PLCG2: variants seen among roughly 807,000 people sequenced by gnomAD.
The protein encoded by PLCG2 is phospholipase C gamma 2, also known as 1-phosphatidylinositol 4,5-bisphosphate phosphodiesterase gamma-2.
In PLCG2, 69 loss-of-function variants were observed where a neutral mutation model predicts 175.6. That is an observed-to-expected ratio of 0.39 (90% CI 0.32 to 0.48). The LOEUF (loss-of-function observed/expected upper bound fraction) is 0.48, where lower values mean the gene tolerates loss of function less well. PLCG2 is among the 20% of genes least tolerant of loss of function. The pLI is 0.91. For missense variants in PLCG2, 1,798 were observed against 1,650.9 expected (o/e 1.09, Z -1.54); for synonymous variants, 827 against 624.0 (o/e 1.33, Z -4.85).
intron 2 of PLCG2, among the ~76,000 whole-genome samples, chr16:81,809,949 T>C (rs191032169): frequency 6.6e-6 from 1 of 152,178 alleles, no homozygotes; most frequent in East Asian, 1.9e-4. Flanking sequence ...CCATGCTCTC[T>C]TCATCTTTCT....
At chr16:81,776,944 T>C, upstream of PLCG2, among the ~76,000 whole-genome samples, 1 of 152,138 alleles carries the variant, frequency 6.6e-6, no homozygotes, top group East Asian at 1.9e-4. Context: ...ATTCCTTCAG[T>C]CGTTCACCTG....
intron 32 of PLCG2, 104 bp from the exon 33 acceptor site, chr16:81,957,852 C>A (rs1911637606): frequency 2.0e-6 from 2 of 1,001,760 alleles, no homozygotes; most frequent in Non-Finnish European, 3.1e-6. Flanking sequence ...TACCATCCAG[C>A]TATGAATGAC....
intron 2 of PLCG2, among the ~76,000 whole-genome samples, chr16:81,808,306 TC>T (rs1904291304): frequency 6.6e-6 from 1 of 151,992 alleles, no homozygotes. Context: ...GGCAAACCCC[TC>T]CCCTTAAGTT....
At chr16:81,904,233 C>T (rs149609083) in intron 14 of PLCG2, among the ~76,000 whole-genome samples, 6 of 152,292 alleles carry the variant, frequency 3.9e-5, no homozygotes, top group African/African-American at 1.2e-4. Context: ...CTTTGACTTA[C>T]GGGATCCCAC....
chr16:81,879,237 T>C (rs1020347531), intron 7 of PLCG2, among the ~76,000 whole-genome samples: 3 of 152,206 alleles, frequency 2.0e-5, no homozygotes, highest in Non-Finnish European at 2.9e-5. Flanking sequence ...TTGGAAGTGT[T>C]CTAGCCCCTG....
At chr16:81,897,897 G>A (rs147898338) in intron 13 of PLCG2, 1 of 454,874 alleles carries the variant, frequency 2.2e-6, no homozygotes, top group East Asian at 7.0e-5. Context: ...GCTGGGTGGA[G>A]GTGTTGCTGT....
Position 81,854,350 on chromosome 16 carries a change from G to A in PLCG2, c.194-94G>A, listed in dbSNP as rs541609366. On this transcript the variant is annotated intron_variant, in intron 2 of 32. Coordinates refer to ENST00000564138, the MANE Select transcript of PLCG2 (RefSeq NM_002661.5). The stretch of plus-strand genomic sequence containing the variant: ...TTGCGGGATCCTGTTGGGGAAGGAA[G>A]GAGCCAGGCTGTGCCTGGGCTGCAG... 3.6e-5 allele frequency: 40 copies of A among 1,122,550 alleles called. No homozygotes were observed. In the African/African-American group the frequency reaches 5.9e-4, roughly 16 times the overall value. 69.5% of individuals were successfully genotyped at this position (1,122,550 alleles called of 1,614,324 possible). A position where few individuals can be genotyped will look rare whatever the true frequency, so the allele number is the denominator to read the frequency against.
intron 17 of PLCG2, among the ~76,000 whole-genome samples, chr16:81,909,153 C>T (rs1248556838): frequency 1.3e-5 from 2 of 152,244 alleles, no homozygotes; most frequent in African/African-American, 4.8e-5. Context: ...CAGACAATGT[C>T]TTTGTCCTCC....
In PLCG2 at chr16:81,800,009, A is replaced by G. The variant is rs562584794; in HGVS notation, c.193+13827A>G. On this transcript the variant is annotated intron_variant, in intron 2 of 32. Transcript: ENST00000564138. ...CCTGGGTTCAGATCTTGGCTATGCC[A>G]CTTATCCCATTTGTGGCCATGGACA... is the stretch of plus-strand genomic sequence containing the variant. Among the ~76,000 whole-genome samples the G allele has an allele frequency of 5.3e-5, 8 of 152,366 alleles. No homozygotes were observed. In the East Asian group the frequency reaches 1.5e-3, roughly 29 times the overall value.
intron 2 of PLCG2, among the ~76,000 whole-genome samples, chr16:81,851,413 C>T (rs891097716): frequency 6.6e-6 from 1 of 152,194 alleles, no homozygotes; most frequent in South Asian, 2.1e-4. Flanking sequence ...TGTAGTTCTA[C>T]GAAATCTTGT....
chr16:81,843,597 T>C (rs2143434806), intron 2 of PLCG2, among the ~76,000 whole-genome samples: 1 of 152,348 alleles, frequency 6.6e-6, no homozygotes, highest in Middle Eastern at 3.4e-3. Flanking sequence ...AAATGCCCAA[T>C]TTTTGGGTGC....
In PLCG2 at chr16:81,958,382, C is replaced by G. The variant is rs1489943200; in HGVS notation, c.*384C>G. 3.8e-5 allele frequency: 10 copies of G among 261,614 alleles called. No homozygotes were observed. Among genetic ancestry groups the G allele is most frequent in the African/African-American group, 2.0e-4 (9 of 46,152 alleles). The allele number at this position is 261,614 out of a possible 1,614,324, so 16.2% of individuals were successfully genotyped here. ...ATTCTACCTCTAATGATCCAGGTAA[C>G]TGATGTCCATGGAGGATGAGCTGGA... On this transcript the variant is annotated 3_prime_UTR_variant, in exon 33 of 33. Transcript: ENST00000564138.
intron 2 of PLCG2, among the ~76,000 whole-genome samples, chr16:81,758,958 G>A (rs1246401283): frequency 3.3e-5 from 5 of 152,312 alleles, no homozygotes; most frequent in Middle Eastern, 3.4e-3. Context: ...GATTACAGGC[G>A]TGAGCCACCG....
chr16:81,773,902 G>A (rs557016134), intron 2 of PLCG2, among the ~76,000 whole-genome samples: 1 of 152,180 alleles, frequency 6.6e-6, no homozygotes, highest in East Asian at 1.9e-4. Flanking sequence ...TACACTCTGT[G>A]CCCATCATGC....
In PLCG2 at chr16:81,962,360, C is replaced by G. The variant is rs1445571075; in HGVS notation, c.*4362C>G. On this transcript the variant is annotated 3_prime_UTR_variant, in exon 33 of 33. Transcript: ENST00000564138. ...GTTAATAATTAGATTTGGAATTATA[C>G]AGAATTAGAAAATTGGCATTTAAAA... 2 of 207,882 alleles carry G rather than the reference C, an allele frequency of 9.6e-6. No homozygotes were observed. The highest frequency in any genetic ancestry group is 1.5e-4 in the East Asian group (2 of 13,472). 12.9% of individuals were successfully genotyped at this position (207,882 alleles called of 1,614,324 possible). A position where few individuals can be genotyped will look rare whatever the true frequency, so the allele number is the denominator to read the frequency against.
chr16:81,792,827 C>T (rs1304295826), intron 2 of PLCG2, among the ~76,000 whole-genome samples: 1 of 152,086 alleles, frequency 6.6e-6, no homozygotes, highest in Non-Finnish European at 1.5e-5. Flanking sequence ...ATGGGAACGA[C>T]AATTTAAGAT....
chr16:81,907,289 C>G (rs1909415669), intron 15 of PLCG2, among the ~76,000 whole-genome samples: 1 of 151,140 alleles, frequency 6.6e-6, no homozygotes, highest in Admixed American at 6.6e-5. Context: ...AAACCAGAGA[C>G]TAAATTTCAT....
chr16:81,785,917 T>A, intron 1 of PLCG2, 26 bp from the exon 2 acceptor site: 3 of 1,399,756 alleles, frequency 2.1e-6, no homozygotes, highest in African/African-American at 1.4e-5. Flanking sequence ...CTAAAATCAG[T>A]TCACTCTTTA....
intron 12 of PLCG2, 36 bp downstream of exon 12, chr16:81,893,830 A>G (rs751785489): frequency 1.5e-6 from 2 of 1,334,268 alleles, no homozygotes; most frequent in Admixed American, 3.5e-5. Context: ...TCAGGCTCGC[A>G]GCAAATTGAG....
Sources: gnomAD v4.1 joint callset for allele counts (sites outside exome capture counted in the v4.1 genomes callset) on GRCh38, gnomAD v4.1.1 for gene constraint, MANE v1.5 for transcripts, NCBI Gene and HGNC (gene_info 2026-07-23, HGNC 2026-07-21) for gene names.